The following CLIP2 variants were observed in gnomAD, a reference collection of about 807,000 sequenced individuals.
CLIP2 encodes the protein CAP-Gly domain-containing linker protein 2.
CLIP2 carries 41 observed loss-of-function variants against 111.7 expected under a neutral mutation model. The observed-to-expected ratio is 0.37, with a 90% confidence interval of 0.29 to 0.48. The LOEUF is 0.48. Among genes scored for constraint, CLIP2 ranks in the 20% least tolerant of loss-of-function variants. CLIP2 has a pLI of 0.99. For synonymous variants in CLIP2, 660 were observed against 644.2 expected, an observed-to-expected ratio of 1.02 and a Z score of -0.37; for missense variants, 1,160 against 1,422.1, an observed-to-expected ratio of 0.82 and a Z score of 2.96.
chr7:74,349,203 C>T (rs376337666), intron 3 of CLIP2, among the ~76,000 whole-genome samples: 6 of 151,750 alleles, frequency 4.0e-5, no homozygotes, highest in African/African-American at 1.2e-4. Context: ...GAGGCCAAGG[C>T]GGGCAGATCA....
At chr7:74,372,004 C>A (rs2116645209) in intron 8 of CLIP2, among the ~76,000 whole-genome samples, 1 of 152,242 alleles carries the variant, frequency 6.6e-6, no homozygotes, top group South Asian at 2.1e-4. Flanking sequence ...CCTGCAGCTG[C>A]TTTAACCCCT....
At chr7:74,363,229 C>G (rs1180880110) in intron 7 of CLIP2, among the ~76,000 whole-genome samples, 1 of 151,876 alleles carries the variant, frequency 6.6e-6, no homozygotes, top group Non-Finnish European at 1.5e-5. Context: ...CTCAAACTCC[C>G]GACCTCAGGT....
At chr7:74,361,441 T>C (rs1433416583) in intron 7 of CLIP2, among the ~76,000 whole-genome samples, 4 of 151,908 alleles carry the variant, frequency 2.6e-5, no homozygotes, top group African/African-American at 7.2e-5. Context: ...GATCTCAAAC[T>C]CCTGATCTCA....
intron 15 of CLIP2, 59 bp downstream of exon 15, chr7:74,400,614 C>T (rs1270359135): frequency 6.2e-6 from 9 of 1,440,492 alleles, no homozygotes; most frequent in Admixed American, 5.3e-5. Flanking sequence ...GTCCTCGGAG[C>T]CCCCGTCTGA....
At chr7:74,351,087 AAGAAG>A (rs1789980496) in intron 3 of CLIP2, among the ~76,000 whole-genome samples, 4 of 25,708 alleles carry the variant, frequency 1.6e-4, no homozygotes, top group Non-Finnish European at 5.8e-4. Context: ...AAGAAAGAAA[AAGAAG>A]GAAGGGAAGG....
chr7:74,375,632 AGAG>A (rs1790753218), intron 9 of CLIP2, among the ~76,000 whole-genome samples: 1 of 147,886 alleles, frequency 6.8e-6, no homozygotes. Flanking sequence ...CCACCTAGGT[AGAG>A]GAGTGGCGAC....
At chr7:74,389,518 A>G in intron 13 of CLIP2, 1 of 234,122 alleles carries the variant, frequency 4.3e-6, no homozygotes, top group Non-Finnish European at 7.9e-6. Flanking sequence ...GCACTTTGGG[A>G]GGCTGAGGCA....
At chr7:74,365,466 T>A (rs571482021) in intron 8 of CLIP2, among the ~76,000 whole-genome samples, 2 of 152,206 alleles carry the variant, frequency 1.3e-5, no homozygotes, top group African/African-American at 4.8e-5. Context: ...TTCTCGGCTC[T>A]GCTCTTCTCC....
At chr7:74,401,296 C>T (rs1791611872) in intron 15 of CLIP2, among the ~76,000 whole-genome samples, 1 of 152,188 alleles carries the variant, frequency 6.6e-6, no homozygotes, top group South Asian at 2.1e-4. Flanking sequence ...TCAAGGGGCA[C>T]ATGGCTTTGC....
chr7:74,334,012 CGTA>C (rs1476814442), intron 2 of CLIP2, among the ~76,000 whole-genome samples: 1 of 152,090 alleles, frequency 6.6e-6, no homozygotes, highest in Non-Finnish European at 1.5e-5. Context: ...TGGGAGGAGA[CGTA>C]GGACATGGAG....
intron 1 of CLIP2, among the ~76,000 whole-genome samples, chr7:74,314,722 C>T (rs1167603992): frequency 6.6e-6 from 1 of 152,230 alleles, no homozygotes; most frequent in South Asian, 2.1e-4. Flanking sequence ...CTGCCTGCAG[C>T]TCTGGGGCAG....
At chr7:74,372,838 C>T (rs1002974159) in intron 8 of CLIP2, 94 bp from the exon 9 acceptor site, 3 of 660,882 alleles carry the variant, frequency 4.5e-6, no homozygotes, top group Non-Finnish European at 2.6e-6. Flanking sequence ...CTCTCTCTCT[C>T]TCTTTCTCTC....
In CLIP2 at chr7:74,338,558, G is replaced by A; in HGVS notation, c.232G>A (p.Asp78Asn). ...GGAAGTGGGGGATGACTTCCTGGGG[G>A]ACTTTGTGGTGGGCGAGCGGGTGTG... ...AAEVGDDFLG[D>N]FVVGERVWVN... Residue 78 changes from aspartate to asparagine, a missense_variant, in exon 3 of 17, where the codon GAC becomes AAC. Around this residue, in one of 5 missense-constraint regions of CLIP2, gnomAD observed 301 missense variants for 315.2 expected, o/e 0.96. Transcript: ENST00000223398. The surrounding 1 kb of genome is among the most constrained non-coding windows in gnomAD (Gnocchi z 4.3). 2 of 1,590,950 alleles carry A rather than the reference G, an allele frequency of 1.3e-6. No homozygotes were observed. The highest frequency in any genetic ancestry group is 1.1e-5 in the South Asian group (1 of 88,566).
In CLIP2 at chr7:74,404,109, G is replaced by A. The variant is rs1025522495; in HGVS notation, c.*261G>A. On this transcript the variant is annotated 3_prime_UTR_variant, in exon 17 of 17. Coordinates refer to ENST00000223398, the MANE Select transcript of CLIP2 (RefSeq NM_003388.5). ...CGGGGACCTTCAGCCTGGACACCCG[G>A]CAGCTTCTGGAGTTTGTCAGTGGAG... is the stretch of plus-strand genomic sequence containing the variant. The A allele has an allele frequency of 6.1e-6, 3 of 491,638 alleles. No homozygotes were observed. Among genetic ancestry groups the A allele is most frequent in the South Asian group, 2.1e-5 (1 of 46,620 alleles). 30.5% of individuals were successfully genotyped at this position (491,638 alleles called of 1,614,324 possible).
At chr7:74,334,125 G>A (rs510675) in intron 2 of CLIP2, among the ~76,000 whole-genome samples, 93,276 of 152,076 alleles carry the variant, frequency 0.61, 30,581 homozygotes, top group Middle Eastern at 0.74. Flanking sequence ...GACTTGGCTC[G>A]CCCTGGCCAA....
intron 11 of CLIP2, among the ~76,000 whole-genome samples, chr7:74,386,086 C>T (rs147429234): frequency 0.049 from 6,148 of 125,194 alleles, 136 homozygotes; most frequent in Non-Finnish European, 0.06. Context: ...CTCGCTGTGT[C>T]GCCCAGGCTG....
chr7:74,359,442 C>CT (rs1790254422), intron 6 of CLIP2, among the ~76,000 whole-genome samples: 1 of 151,186 alleles, frequency 6.6e-6, no homozygotes, highest in African/African-American at 2.4e-5. Context: ...CAAGCTCCGC[C>CT]CCCCAGGTTC....
intron 8 of CLIP2, among the ~76,000 whole-genome samples, chr7:74,371,636 GGA>G (rs376790705): frequency 2.2e-4 from 31 of 142,164 alleles, no homozygotes; most frequent in South Asian, 4.8e-4. Flanking sequence ...GGAGGGGAAT[GGA>G]GAGAGAGAGG....
chr7:74,298,456 G>A (rs1332089006), intron 1 of CLIP2, among the ~76,000 whole-genome samples: 1 of 150,566 alleles, frequency 6.6e-6, no homozygotes, highest in Non-Finnish European at 1.5e-5. Context: ...CACCCAGCTC[G>A]GCCTCTGCAA....
Sources: gnomAD v4.1 joint callset for allele counts (sites outside exome capture counted in the v4.1 genomes callset) on GRCh38, gnomAD v4.1.1 for gene constraint, gnomAD v4.1.1 regional missense constraint, Gnocchi (gnomAD v3.1) non-coding constraint, MANE v1.5 for transcripts, NCBI Gene and HGNC (gene_info 2026-07-23, HGNC 2026-07-21) for gene names.